Variants in SAMD3 observed in about 807,000 individuals in gnomAD.
SAMD3 encodes the protein sterile alpha motif domain containing 3.
Under a neutral mutation model 58.5 loss-of-function variants are expected in SAMD3, and 63 were observed. The observed-to-expected ratio is 1.08, with a 90% CI of 0.88 to 1.33. The LOEUF is 1.33. Ranked by LOEUF, SAMD3 falls within the 40% of genes most tolerant of loss-of-function variation. SAMD3 has a pLI of 0.00. For missense variants in SAMD3, 604 were observed against 608.4 expected, an observed-to-expected ratio of 0.99 and a Z score of 0.08; for synonymous variants, 220 against 210.3, an observed-to-expected ratio of 1.05 and a Z score of -0.40.
At chr6:130,277,805 CCTT>C (rs1465631379) in intron 2 of SAMD3, among the ~76,000 whole-genome samples, 2 of 152,114 alleles carry the variant, frequency 1.3e-5, no homozygotes, top group African/African-American at 4.8e-5. Flanking sequence ...CTAACCGACT[CCTT>C]CTTGCTTCTA....
intron 5 of SAMD3, among the ~76,000 whole-genome samples, chr6:130,195,251 A>C (rs1043447382): frequency 5.9e-5 from 9 of 151,914 alleles, no homozygotes; most frequent in East Asian, 3.9e-4. Context: ...GATACCTCTA[A>C]TCCCTCCTTG....
chr6:130,224,967 G>A (rs1367130737), upstream of SAMD3, among the ~76,000 whole-genome samples: 6 of 151,948 alleles, frequency 3.9e-5, no homozygotes, highest in East Asian at 1.2e-3. Flanking sequence ...CATACCAATT[G>A]GTAGGCTATA....
At position 130,275,902 on chromosome 6, in the gene SAMD3, T is replaced by C. The variant is rs536912216; in HGVS notation, c.-188+37076A>G. ...CTTTTAAGTATTGTGGTAGGCTGGA[T>C]AATGGCCCTGCAAGGATGTTCACAT... On this transcript the variant is annotated intron_variant, in intron 2 of 13. Transcript: ENST00000368134. Among the ~76,000 whole-genome samples, 7 of 152,318 alleles carry C rather than the reference T, an allele frequency of 4.6e-5. No individual in the cohort carries two copies. The South Asian group carries it at 1.2e-3, about 27-fold the overall frequency.
At chr6:130,338,541 A>G (rs934891419) in intron 1 of SAMD3, among the ~76,000 whole-genome samples, 13 of 152,184 alleles carry the variant, frequency 8.5e-5, no homozygotes, top group Non-Finnish European at 1.6e-4. Context: ...CAGGCACTCA[A>G]TGCCAGCCCA....
chr6:130,254,344 G>A (rs74984421), intron 2 of SAMD3, among the ~76,000 whole-genome samples: 1 of 151,666 alleles, frequency 6.6e-6, no homozygotes, highest in East Asian at 1.9e-4. Context: ...CAGGTGCCCT[G>A]CCACCACACC....
In SAMD3 at chr6:130,348,657, T is replaced by A. The variant is rs1583140390; in HGVS notation, c.-304+16463A>T. On this transcript the variant is annotated intron_variant, in intron 1 of 13. Coordinates refer to the SAMD3 transcript ENST00000368134. ...GACTTTAACACCCCACTGTCAACAT[T>A]AGACAAATCAACGAGACAGAAAGTT... 3.3e-5 allele frequency among the ~76,000 whole-genome samples: 5 copies of A among 152,204 alleles called. No individual in the cohort carries two copies. In the East Asian group the frequency reaches 9.7e-4, roughly 29 times the overall value.
intron 7 of SAMD3, chr6:130,183,512 C>A: frequency 4.9e-6 from 2 of 408,502 alleles, no homozygotes; most frequent in South Asian, 1.8e-5. Flanking sequence ...CACTTGATGA[C>A]AGCTCCGAAG....
chr6:130,223,311 T>C (rs1275350004), upstream of SAMD3, among the ~76,000 whole-genome samples: 4 of 152,220 alleles, frequency 2.6e-5, no homozygotes, highest in Admixed American at 6.5e-5. Flanking sequence ...AGCTACATCA[T>C]TGAACTAAAA....
chr6:130,282,110 C>A (rs1294776664), intron 2 of SAMD3, among the ~76,000 whole-genome samples: 1 of 148,292 alleles, frequency 6.7e-6, no homozygotes. Flanking sequence ...ACTTACTTAA[C>A]ATATTCACAC....
chr6:130,162,101 G>A (rs1309451798), intron 8 of SAMD3: 1 of 543,148 alleles, frequency 1.8e-6, no homozygotes, highest in African/African-American at 1.9e-5. Context: ...ACATTAACTT[G>A]AGTTAAAGCC....
intron 4 of SAMD3, among the ~76,000 whole-genome samples, chr6:130,213,153 C>G (rs555719677): frequency 6.2e-4 from 95 of 152,088 alleles, no homozygotes; most frequent in African/African-American, 2.1e-3. Flanking sequence ...AATAAATTAG[C>G]CAGTCATGGT....
intron 1 of SAMD3, among the ~76,000 whole-genome samples, chr6:130,360,404 G>A (rs111637363): frequency 7.9e-5 from 12 of 152,304 alleles, no homozygotes; most frequent in African/African-American, 2.6e-4. Flanking sequence ...TTTTAAAGCT[G>A]GGCATCTGGG....
At chr6:130,158,450 T>C (rs1320387637) in intron 8 of SAMD3, among the ~76,000 whole-genome samples, 1 of 151,976 alleles carries the variant, frequency 6.6e-6, no homozygotes, top group Admixed American at 6.6e-5. Flanking sequence ...ATGACTATTT[T>C]CTGAAAGGTG....
At chr6:130,277,596 G>A (rs112189244) in intron 2 of SAMD3, among the ~76,000 whole-genome samples, 26 of 151,976 alleles carry the variant, frequency 1.7e-4, no homozygotes, top group Non-Finnish European at 3.5e-4. Flanking sequence ...TATAACTCCT[G>A]TTCATCCTTA....
chr6:130,215,939 A>G (rs1795982378), intron 2 of SAMD3: 1 of 1,066,858 alleles, frequency 9.4e-7, no homozygotes, highest in Non-Finnish European at 1.4e-6. Flanking sequence ...ATTCTTACAT[A>G]CCCCTCTGAG....
chr6:130,192,472 T>C (rs539786556), intron 5 of SAMD3, among the ~76,000 whole-genome samples: 1 of 152,236 alleles, frequency 6.6e-6, no homozygotes, highest in South Asian at 2.1e-4. Flanking sequence ...TGAAATTCCT[T>C]CTCCTGGCTC....
chr6:130,190,149 G>T (rs572825167), intron 5 of SAMD3, among the ~76,000 whole-genome samples: 31 of 152,208 alleles, frequency 2.0e-4, no homozygotes, highest in African/African-American at 6.0e-4. Context: ...AAAGATAAAA[G>T]AACTCAACAG....
Position 130,197,487 on chromosome 6 carries a change from C to T in SAMD3, c.383+12008G>A, listed in dbSNP as rs549858791. Among the ~76,000 whole-genome samples, 6 of 152,334 alleles carry T rather than the reference C, an allele frequency of 3.9e-5. No individual in the cohort carries two copies. In the South Asian group the frequency reaches 6.2e-4, roughly 16 times the overall value. On this transcript the variant is annotated intron_variant, in intron 5 of 11. Transcript: ENST00000439090. ...CACTCTCTAATCAGATGTCCTGAGT[C>T]GTCCCAATTCTTAGACCTTTTATAC...
chr6:130,210,515 C>A (rs1562451841), intron 4 of SAMD3, among the ~76,000 whole-genome samples: 1 of 151,514 alleles, frequency 6.6e-6, no homozygotes. Flanking sequence ...AGGAGAATCA[C>A]TTGAACCTGG....
Sources: allele counts gnomAD v4.1 joint callset (sites outside exome capture counted in the v4.1 genomes callset), GRCh38; gene constraint gnomAD v4.1.1; transcripts MANE v1.5; gene names NCBI Gene and HGNC (gene_info 2026-07-23, HGNC 2026-07-21).